Variants in ADAMTS7 observed in about 807,000 individuals in gnomAD.
The protein encoded by ADAMTS7 is ADAM metallopeptidase with thrombospondin type 1 motif 7, also known as A disintegrin and metalloproteinase with thrombospondin motifs 7.
ADAMTS7 carries 89 observed loss-of-function variants against 172.6 expected under a neutral mutation model. That is an observed-to-expected ratio of 0.52 (90% CI 0.43 to 0.61). ADAMTS7 has a LOEUF of 0.61. ADAMTS7 is among the 20% of genes least tolerant of loss of function. The pLI, the probability that ADAMTS7 is intolerant of heterozygous loss-of-function variation, is 0.00. For synonymous variants in ADAMTS7, 885 were observed against 978.4 expected (o/e 0.90, Z 1.78); for missense variants, 1,973 against 2,355.6 (o/e 0.84, Z 3.36).
At chr15:78,794,353 G>A (rs772028683) in intron 4 of ADAMTS7, among the ~76,000 whole-genome samples, 5 of 152,196 alleles carry the variant, frequency 3.3e-5, no homozygotes, top group Admixed American at 6.5e-5. Flanking sequence ...AACCCACCAG[G>A]GCCTTAGGCC....
At chr15:78,765,403 A>G (rs1567203532) in intron 19 of ADAMTS7, among the ~76,000 whole-genome samples, 1 of 152,216 alleles carries the variant, frequency 6.6e-6, no homozygotes. Context: ...CAGCTGTCTG[A>G]GCCAGCTCCA....
In ADAMTS7 at chr15:78,777,515, CGCCAGGTG is replaced by C; in HGVS notation, c.1388_1395del (p.Pro463ArgfsTer4). On this transcript the variant is annotated frameshift_variant, in exon 9 of 24. Transcript: ENST00000388820. LOFTEE classifies it high-confidence loss of function. ...CACTGGTGGCTTACATCATAGAGGACGCCAGGTGGCACCGAGGGGAAGTCGATAATGTC... is the reference window on the plus strand; with the variant it reads ...CACTGGTGGCTTACATCATAGAGGACGCACCGAGGGGAAGTCGATAATGTC... The C allele has an allele frequency of 6.2e-7, 1 of 1,611,686 alleles. No individual in the cohort carries two copies. Among genetic ancestry groups the C allele is most frequent in the Non-Finnish European group, 8.5e-7 (1 of 1,179,058 alleles).
In ADAMTS7 at chr15:78,763,940, A is replaced by G. The variant is rs1489288701; in HGVS notation, c.4579T>C (p.Ser1527Pro). ...CCAGGCCTCACCTCCCTCCAGGAAG[A>G]TGTGTACCAGCTGAGGCAGGGCTGG... The part of the protein sequence containing the change: ...GAQPCLSWYT[S>P]SWRECSEACG... Residue 1527 changes from serine (S) to proline (P), a missense_variant, in exon 21 of 24, where the codon TCT becomes CCT. Transcript: ENST00000388820. The G allele has an allele frequency of 2.6e-6, 4 of 1,548,550 alleles. No homozygotes were observed. Among genetic ancestry groups the G allele is most frequent in the Admixed American group, 1.9e-5 (1 of 51,764 alleles).
intron 1 of ADAMTS7, among the ~76,000 whole-genome samples, chr15:78,808,726 G>A (rs372862208): frequency 1.3e-5 from 2 of 152,130 alleles, no homozygotes; most frequent in East Asian, 3.8e-4. Flanking sequence ...AGTCTCGACC[G>A]GTTATGTGCT....
chr15:78,771,634 C>T lies in ADAMTS7; in HGVS notation c.2327G>A (p.Trp776Ter), dbSNP rs1462126827. Residue 776 changes from tryptophan to a stop codon, truncating the protein, a stop_gained, in exon 15 of 24, where the codon TGG becomes TAG. Coordinates refer to ENST00000388820, the MANE Select transcript of ADAMTS7 (RefSeq NM_014272.5). LOFTEE classifies it high-confidence loss of function. The surrounding 1 kb of genome is among the most constrained non-coding windows in gnomAD (Gnocchi z 4.9). ...GGGACCCGGGGACGTGAGGTTCTCC[C>T]AGTTGCCCCTGCGTGCGTATGTGAA... The part of the protein sequence containing the change: ...TTFTYARRGN[W>*]ENLTSPGPTK... The T allele has an allele frequency of 6.2e-7, 1 of 1,602,054 alleles. No individual in the cohort carries two copies. Among genetic ancestry groups the T allele is most frequent in the Non-Finnish European group, 8.5e-7 (1 of 1,179,738 alleles).
At chr15:78,795,079 A>T (rs547288104) in intron 4 of ADAMTS7, among the ~76,000 whole-genome samples, 1 of 152,334 alleles carries the variant, frequency 6.6e-6, no homozygotes, top group African/African-American at 2.4e-5. Flanking sequence ...TGGGGGTGAA[A>T]TGAACCCAGT....
chr15:78,761,614 G>T (rs2055044039), intron 23 of ADAMTS7, among the ~76,000 whole-genome samples: 1 of 152,230 alleles, frequency 6.6e-6, no homozygotes, highest in Non-Finnish European at 1.5e-5. Context: ...GGGAAATGGA[G>T]CCCAAGGCCA....
chr15:78,769,425 G>T (rs1327706052), intron 16 of ADAMTS7, among the ~76,000 whole-genome samples: 3 of 152,206 alleles, frequency 2.0e-5, no homozygotes, highest in Non-Finnish European at 2.9e-5. Flanking sequence ...AGACAGCAAT[G>T]GGACCTGCTG....
chr15:78,776,535 A>G (rs1406621633), intron 10 of ADAMTS7: 25 of 836,284 alleles, frequency 3.0e-5, no homozygotes, highest in East Asian at 5.4e-5. Context: ...AACAGCCCAC[A>G]TGCTGACTCA....
In ADAMTS7 at chr15:78,766,131, C is replaced by T; in HGVS notation, c.3780G>A (p.Leu1260=). The T allele has an allele frequency of 6.2e-7, 1 of 1,611,282 alleles. No homozygotes were observed. The highest frequency in any genetic ancestry group is 8.5e-7 in the Non-Finnish European group (1 of 1,179,742). Residue 1260 remains leucine (L), a synonymous_variant, in exon 19 of 24, where the codon CTG becomes CTA. Transcript: ENST00000388820. ...HSSPSPDVAE[L]WTGGTVAWEP... is the part of the protein sequence containing the mutation. ...CCCAGGCCACTGTGCCTCCTGTCCACAGCTCCGCCACGTCAGGACTAGGAG... is the reference window on the plus strand; with the variant it reads ...CCCAGGCCACTGTGCCTCCTGTCCATAGCTCCGCCACGTCAGGACTAGGAG...
chr15:78,807,395 G>A (rs1336405747), intron 1 of ADAMTS7, among the ~76,000 whole-genome samples: 1 of 152,164 alleles, frequency 6.6e-6, no homozygotes, highest in Non-Finnish European at 1.5e-5. Flanking sequence ...GTAGATCCTG[G>A]GCAAATATTG....
At chr15:78,788,534 T>C (rs574915680) in intron 7 of ADAMTS7, among the ~76,000 whole-genome samples, 160 bp from the exon 8 acceptor site, 2 of 152,376 alleles carry the variant, frequency 1.3e-5, no homozygotes, top group East Asian at 3.9e-4. Context: ...TTCCCCTCTC[T>C]GAGCCTCAGT....
chr15:78,776,990 G>A, intron 9 of ADAMTS7, 149 bp from the exon 10 acceptor site: 1 of 664,228 alleles, frequency 1.5e-6, no homozygotes, highest in Non-Finnish European at 2.6e-6. Context: ...TTGTGTGCCT[G>A]CTCCCACCTT....
intron 23 of ADAMTS7, chr15:78,762,121 C>T (rs1246640698): frequency 1.0e-6 from 1 of 970,342 alleles, no homozygotes; most frequent in Non-Finnish European, 1.2e-6. Context: ...GTTCACACAG[C>T]AAATCAGGGG....
chr15:78,763,837 C>A lies in ADAMTS7; in HGVS notation c.4602G>T (p.Glu1534Asp), dbSNP rs917289114. Residue 1534 changes from glutamate (E) to aspartate (D), a missense_variant, in exon 22 of 24, where the codon GAG (glutamate) becomes GAT (aspartate). Coordinates refer to ENST00000388820, the MANE Select transcript of ADAMTS7 (RefSeq NM_014272.5). ...WYTSSWRECS[E>D]ACGGGEQQRL... ...GCTGCTGCTCACCACCGCCACAGGC[C>A]TCGGAGCACTGGGTGGGCAGGGAAG... 21 of 1,582,704 alleles carry A rather than the reference C, an allele frequency of 1.3e-5. No homozygotes were observed. In the Admixed American group the frequency reaches 3.2e-4, roughly 24 times the overall value.
intron 2 of ADAMTS7, among the ~76,000 whole-genome samples, chr15:78,799,840 T>TC (rs202148592): frequency 2.0e-4 from 31 of 151,228 alleles, no homozygotes; most frequent in African/African-American, 4.1e-4. Flanking sequence ...TTTCTTTCTT[T>TC]TTTTTTTTTT....
chr15:78,760,212 G>A (rs2141465646), intron 23 of ADAMTS7, among the ~76,000 whole-genome samples: 1 of 152,260 alleles, frequency 6.6e-6, no homozygotes, highest in African/African-American at 2.4e-5. Context: ...TGGGGAGGGA[G>A]GCCAGCTGCA....
chr15:78,790,285 G>A (rs537818457), intron 6 of ADAMTS7, among the ~76,000 whole-genome samples: 1 of 152,200 alleles, frequency 6.6e-6, no homozygotes, highest in East Asian at 1.9e-4. Flanking sequence ...AAACTGCAAA[G>A]AACTGAATAC....
intron 8 of ADAMTS7, among the ~76,000 whole-genome samples, chr15:78,785,642 C>T (rs772219376): frequency 6.6e-6 from 1 of 151,624 alleles, no homozygotes; most frequent in Non-Finnish European, 1.5e-5. Context: ...AATGAAAATG[C>T]GGAATATGGA....
Sources: allele counts gnomAD v4.1 joint callset (sites outside exome capture counted in the v4.1 genomes callset), GRCh38; gene constraint gnomAD v4.1.1; non-coding constraint Gnocchi (gnomAD v3.1); transcripts MANE v1.5; gene names NCBI Gene and HGNC (gene_info 2026-07-23, HGNC 2026-07-21).